ADGRL3: variants seen among roughly 807,000 people sequenced by gnomAD.
ADGRL3 encodes the protein adhesion G protein-coupled receptor L3, also known as calcium-independent alpha-latrotoxin receptor 3.
In ADGRL3, 62 loss-of-function variants were observed where a neutral mutation model predicts 153.5. The ratio of observed to expected loss-of-function variants is 0.40; its 90% CI spans 0.33 to 0.50. ADGRL3 has a LOEUF of 0.50. Among genes scored for constraint, ADGRL3 ranks in the 20% least tolerant of loss-of-function variants. The probability of loss-of-function intolerance (pLI) is 0.47; values close to 1 mark genes in which losing one functional copy is unlikely to be tolerated. For synonymous variants in ADGRL3, 710 were observed against 672.5 expected (o/e 1.06, Z -0.86); for missense variants, 1,641 against 1,859.4 (o/e 0.88, Z 2.16).
chr4:61,385,700 A>G (rs1167382461), intron 2 of ADGRL3: 1 of 152,184 alleles, frequency 6.6e-6, no homozygotes, highest in Non-Finnish European at 1.5e-5. Flanking sequence ...TGTTTGGATT[A>G]ATTTTTGTAA....
chr4:61,517,448 A>G lies in ADGRL3; in HGVS notation c.189A>G (p.Gly63=), dbSNP rs1205428578. 1.0e-5 allele frequency: 8 copies of G among 802,708 alleles called. No individual in the cohort carries two copies. The East Asian group carries it at 1.9e-4, about 19-fold the overall frequency. The allele number at this position is 802,708 out of a possible 1,614,324, so 49.7% of individuals were successfully genotyped here. Residue 63 remains glycine, a synonymous_variant, in exon 4 of 27, where the codon GGA becomes GGG. Coordinates refer to ENST00000683033, the MANE Select transcript of ADGRL3 (RefSeq NM_001387552.1). The part of the protein sequence containing the change: ...PAAERTAAHR[G]QGPRGATRGV... ...CAGAGCGCACCGCTGCTCATCGTGG[A>G]CAAGGGCCCCGTGGAGCTACCAGAG...
intron 8 of ADGRL3, among the ~76,000 whole-genome samples, chr4:61,764,763 T>A (rs948758815): frequency 4.0e-5 from 6 of 151,650 alleles, no homozygotes; most frequent in Non-Finnish European, 8.8e-5. Context: ...CGGTGAAAAT[T>A]TTTTGGGGGT....
chr4:61,462,288 C>A (rs2097829999), intron 2 of ADGRL3, among the ~76,000 whole-genome samples: 1 of 152,142 alleles, frequency 6.6e-6, no homozygotes, highest in Non-Finnish European at 1.5e-5. Context: ...ACATTAAGAT[C>A]AAATCTTGTC....
At chr4:61,617,765 A>T (rs2092159418) in intron 5 of ADGRL3, among the ~76,000 whole-genome samples, 1 of 152,178 alleles carries the variant, frequency 6.6e-6, no homozygotes, top group Non-Finnish European at 1.5e-5. Context: ...TGAATTCTGA[A>T]GACATGCTCC....
At chr4:61,776,636 G>T (rs1287489307) in intron 8 of ADGRL3, among the ~76,000 whole-genome samples, 1 of 151,970 alleles carries the variant, frequency 6.6e-6, no homozygotes, top group African/African-American at 2.4e-5. Flanking sequence ...CACAAAGTAT[G>T]GAGTACATAA....
chr4:61,404,756 TAATC>T (rs1397692973), intron 2 of ADGRL3, among the ~76,000 whole-genome samples: 3 of 152,084 alleles, frequency 2.0e-5, no homozygotes, highest in African/African-American at 4.8e-5. Context: ...TGTTTAATAT[TAATC>T]AAGAAGGCAA....
chr4:61,764,487 G>T (rs1306137553), intron 8 of ADGRL3, among the ~76,000 whole-genome samples: 13 of 150,606 alleles, frequency 8.6e-5, no homozygotes, highest in African/African-American at 3.0e-4. Context: ...TTGGAGCCAG[G>T]ATGAGCCAGG....
rs1225106140 is a variant in ADGRL3, at chr4:62,070,562, G to A, written c.4286G>A (p.Ser1429Asn). 1.5e-5 allele frequency: 23 copies of A among 1,551,084 alleles called. No individual in the cohort carries two copies. The highest frequency in any genetic ancestry group is 2.0e-5 in the Non-Finnish European group (23 of 1,146,902). ...AGAAGGCGGATCCCCCAAGACCACA[G>A]TGAGAGCTTTTTCCCTTTGCTAACC... Reference protein sequence around the residue: ...YTRRRIPQDHSESFFPLLTNE... With the variant: ...YTRRRIPQDHNESFFPLLTNE... The change falls in exon 27 of 27, where the codon AGT becomes AAT. Residue 1429 changes from serine to asparagine, a missense_variant. Physicochemically the swap from Ser to Asn is conservative, Grantham distance 46. Coordinates refer to ENST00000683033, the MANE Select transcript of ADGRL3 (RefSeq NM_001387552.1).
chr4:61,609,848 T>C (rs2099046235), intron 5 of ADGRL3, among the ~76,000 whole-genome samples: 1 of 152,096 alleles, frequency 6.6e-6, no homozygotes, highest in Admixed American at 6.5e-5. Flanking sequence ...GGAATAAATT[T>C]GGCATAAATT....
intron 4 of ADGRL3, among the ~76,000 whole-genome samples, chr4:61,569,012 C>A (rs185480835): frequency 1.4e-4 from 22 of 152,150 alleles, no homozygotes; most frequent in African/African-American, 5.1e-4. Flanking sequence ...CAGAGTGAAT[C>A]TCATATAGCA....
chr4:61,442,570 A>G (rs1181787164), intron 2 of ADGRL3, among the ~76,000 whole-genome samples: 1 of 152,124 alleles, frequency 6.6e-6, no homozygotes. Context: ...GAGAGGTAAT[A>G]AGAGGAAGAA....
chr4:61,899,999 G>A (rs181062804), intron 11 of ADGRL3, among the ~76,000 whole-genome samples: 240 of 152,230 alleles, frequency 1.6e-3, no homozygotes, highest in Admixed American at 4.3e-3. Context: ...CATTCAGACC[G>A]TGCAACCTCC....
intron 19 of ADGRL3, among the ~76,000 whole-genome samples, chr4:61,990,516 A>G (rs905846031): frequency 6.6e-6 from 1 of 151,970 alleles, no homozygotes; most frequent in Admixed American, 6.6e-5. Flanking sequence ...AAATATACTA[A>G]AAACCTTGGA....
intron 10 of ADGRL3, among the ~76,000 whole-genome samples, chr4:61,893,766 G>T (rs1038307783): frequency 7.3e-6 from 1 of 136,522 alleles, no homozygotes; most frequent in African/African-American, 2.8e-5. Context: ...AGGCTGGAGT[G>T]CAGCAGCATG....
intron 9 of ADGRL3, among the ~76,000 whole-genome samples, chr4:61,879,118 A>G (rs1241184943): frequency 6.6e-6 from 1 of 152,228 alleles, no homozygotes; most frequent in Non-Finnish European, 1.5e-5. Flanking sequence ...CTCCTGAAAC[A>G]GAGTTGACAA....
Position 62,076,482 on chromosome 4 carries a change from T to G in ADGRL3, c.*5574T>G, listed in dbSNP as rs1488874558. 6.6e-6 allele frequency: 1 copy of G among 152,022 alleles called. No individual in the cohort carries two copies. Among genetic ancestry groups the G allele is most frequent in the Non-Finnish European group, 1.5e-5 (1 of 67,918 alleles). 9.4% of individuals were successfully genotyped at this position (152,022 alleles called of 1,614,324 possible). A position where few individuals can be genotyped will look rare whatever the true frequency, so the allele number is the denominator to read the frequency against. On this transcript the variant is annotated 3_prime_UTR_variant, in exon 27 of 27. Coordinates refer to ENST00000683033, the MANE Select transcript of ADGRL3 (RefSeq NM_001387552.1). ...ACGGAAGAGCAGAAACCAAACAAGT[T>G]AGCAAACTTATGGTAAGGTGACAGG...
At chr4:61,574,407 T>A (rs925368244) in intron 4 of ADGRL3, among the ~76,000 whole-genome samples, 5 of 151,984 alleles carry the variant, frequency 3.3e-5, no homozygotes, top group African/African-American at 1.2e-4. Flanking sequence ...AATGTTAATT[T>A]TGAAATAGTA....
intron 1 of ADGRL3, among the ~76,000 whole-genome samples, chr4:61,232,192 AT>A (rs1341621967): frequency 6.6e-6 from 1 of 151,998 alleles, no homozygotes; most frequent in Non-Finnish European, 1.5e-5. Flanking sequence ...TTAAGCTTAT[AT>A]TTTTTTATTT....
At chr4:61,407,378 CT>C (rs2097016396) in intron 2 of ADGRL3, among the ~76,000 whole-genome samples, 1 of 152,068 alleles carries the variant, frequency 6.6e-6, no homozygotes, top group Non-Finnish European at 1.5e-5. Flanking sequence ...AAAATAGTCT[CT>C]GCCTTTTAAA....
Sources: gnomAD v4.1 joint callset for allele counts (sites outside exome capture counted in the v4.1 genomes callset) on GRCh38, gnomAD v4.1.1 for gene constraint, MANE v1.5 for transcripts, NCBI Gene and HGNC (gene_info 2026-07-23, HGNC 2026-07-21) for gene names.